The following PTPRN2 variants were observed in gnomAD, a reference collection of about 807,000 sequenced individuals.
The protein encoded by PTPRN2 is protein tyrosine phosphatase receptor type N2, also known as receptor-type tyrosine-protein phosphatase N2.
PTPRN2 carries 74 observed loss-of-function variants against 118.8 expected under a neutral mutation model. The ratio of observed to expected loss-of-function variants is 0.62; its 90% CI spans 0.52 to 0.76. The LOEUF is 0.76. Among genes scored for constraint, PTPRN2 ranks in the 30% least tolerant of loss-of-function variants. The pLI is 0.00. For synonymous variants in PTPRN2, 641 were observed against 608.0 expected, an observed-to-expected ratio of 1.05 and a Z score of -0.80; for missense variants, 1,481 against 1,394.4, an observed-to-expected ratio of 1.06 and a Z score of -0.99.
chr7:157,779,194 G>A lies in PTPRN2; in HGVS notation c.1789-96257C>T, dbSNP rs7797028. Among the ~76,000 whole-genome samples the A allele has an allele frequency of 3.9e-5, 6 of 152,172 alleles. No homozygotes were observed. Among genetic ancestry groups the A allele is most frequent in the Non-Finnish European group, 5.9e-5 (4 of 68,026 alleles). ...GCGCTACATTGAGGATGCTGGACACGGCTTATCTCCTGGAGGAGGGCTGCC... is the reference window on the plus strand; with the variant it reads ...GCGCTACATTGAGGATGCTGGACACAGCTTATCTCCTGGAGGAGGGCTGCC... On this transcript the variant is annotated intron_variant, in intron 12 of 22. Coordinates refer to ENST00000389418, the MANE Select transcript of PTPRN2 (RefSeq NM_002847.5). This position sits in a 1 kb window ranked among gnomAD's most constrained non-coding sequence, Gnocchi z 4.7.
At chr7:158,262,974 C>T (rs1196868826) in intron 3 of PTPRN2, among the ~76,000 whole-genome samples, 1 of 119,226 alleles carries the variant, frequency 8.4e-6, no homozygotes, top group Non-Finnish European at 1.8e-5. Flanking sequence ...TCACACACTG[C>T]ACACATACAG....
intron 11 of PTPRN2, among the ~76,000 whole-genome samples, chr7:157,978,335 G>A (rs1802902205): frequency 6.6e-6 from 1 of 151,936 alleles, no homozygotes; most frequent in Non-Finnish European, 1.5e-5. Flanking sequence ...CATGTCTTTT[G>A]GCCTTTCTTT....
intron 12 of PTPRN2, among the ~76,000 whole-genome samples, chr7:157,717,791 G>C (rs6459806): frequency 0.44 from 66,423 of 152,180 alleles, 14,922 homozygotes; most frequent in African/African-American, 0.52. Flanking sequence ...TGTTACACCT[G>C]TTCTGAAGCC....
chr7:158,310,569 G>T (rs1801620108), intron 3 of PTPRN2, among the ~76,000 whole-genome samples: 1 of 152,264 alleles, frequency 6.6e-6, no homozygotes, highest in African/African-American at 2.4e-5. Context: ...GCCGGAGATG[G>T]GGGCTGGGTG....
At chr7:157,612,753 C>T (rs1802446274) in intron 15 of PTPRN2, among the ~76,000 whole-genome samples, 1 of 152,226 alleles carries the variant, frequency 6.6e-6, no homozygotes, top group Non-Finnish European at 1.5e-5. Flanking sequence ...AACTGATGGG[C>T]AGGTGTGGAA....
intron 2 of PTPRN2, among the ~76,000 whole-genome samples, chr7:158,463,102 G>C (rs1819121135): frequency 8.1e-6 from 1 of 122,822 alleles, no homozygotes; most frequent in East Asian, 2.4e-4. Flanking sequence ...ATGCCGACTT[G>C]GTCAGTCTGG....
At chr7:158,299,802 G>A (rs923530827) in intron 3 of PTPRN2, among the ~76,000 whole-genome samples, 6 of 152,228 alleles carry the variant, frequency 3.9e-5, no homozygotes, top group Admixed American at 3.9e-4. Context: ...CGGTTCCCAG[G>A]CCCCCCAGGG....
intron 3 of PTPRN2, among the ~76,000 whole-genome samples, chr7:158,306,257 T>A (rs1801275416): frequency 6.6e-6 from 1 of 152,190 alleles, no homozygotes; most frequent in Non-Finnish European, 1.5e-5. Flanking sequence ...TGTGCACAGG[T>A]GCTTTGCAAA....
intron 9 of PTPRN2, among the ~76,000 whole-genome samples, chr7:158,131,523 ACACT>A (rs1297000677): frequency 2.0e-5 from 3 of 151,558 alleles, no homozygotes; most frequent in Non-Finnish European, 2.9e-5. Context: ...CCCGACACAC[ACACT>A]CATACACACA....
intron 12 of PTPRN2, among the ~76,000 whole-genome samples, chr7:157,853,042 G>T (rs1249709500): frequency 6.6e-6 from 1 of 152,136 alleles, no homozygotes; most frequent in Non-Finnish European, 1.5e-5. Context: ...AATGGGGAGG[G>T]TGGATGGTCT....
chr7:157,779,248 G>T lies in PTPRN2; in HGVS notation c.1789-96311C>A, dbSNP rs1187179235. ...TTGCCATGGGAGCCCCGCCCTGGCT[G>T]CCAGGCTTCCCTGGGCAAGGTCAGC... is the stretch of plus-strand genomic sequence containing the variant. On this transcript the variant is annotated intron_variant, in intron 12 of 22. Coordinates refer to ENST00000389418, the MANE Select transcript of PTPRN2 (RefSeq NM_002847.5). The surrounding 1 kb of genome is among the most constrained non-coding windows in gnomAD (Gnocchi z 4.7). Among the ~76,000 whole-genome samples, 5 of 152,228 alleles carry T rather than the reference G, an allele frequency of 3.3e-5. No individual in the cohort carries two copies. The highest frequency in any genetic ancestry group is 9.6e-5 in the African/African-American group (4 of 41,472).
rs140311060 is a variant in PTPRN2, at chr7:157,787,959, G to T, written c.1789-105022C>A. On this transcript the variant is annotated intron_variant, in intron 12 of 22. Transcript: ENST00000389418. This position sits in a 1 kb window ranked among gnomAD's most constrained non-coding sequence, Gnocchi z 5.3. ...GTCTGGACAATGGGGAGCCAGCACC[G>T]GGTCCCCTGGGAACCACGCAGCCGG... Among the ~76,000 whole-genome samples, 2 of 152,158 alleles carry T rather than the reference G, an allele frequency of 1.3e-5. No individual in the cohort carries two copies. The highest frequency in any genetic ancestry group is 2.4e-5 in the African/African-American group (1 of 41,436).
At chr7:158,557,397 G>A (rs957114464) in intron 1 of PTPRN2, among the ~76,000 whole-genome samples, 2 of 151,764 alleles carry the variant, frequency 1.3e-5, no homozygotes, top group Admixed American at 6.6e-5. Flanking sequence ...GGCAGCTCCC[G>A]CGCAGGTCAG....
At chr7:158,577,150 TG>T (rs1338976059) in intron 1 of PTPRN2, among the ~76,000 whole-genome samples, 1 of 122,454 alleles carries the variant, frequency 8.2e-6, no homozygotes, top group Non-Finnish European at 1.7e-5. Context: ...ACAGACAGCA[TG>T]GGGCCTGCAC....
intron 5 of PTPRN2, among the ~76,000 whole-genome samples, chr7:158,170,926 C>T (rs1466287907): frequency 3.3e-5 from 5 of 151,438 alleles, no homozygotes; most frequent in Non-Finnish European, 7.4e-5. Flanking sequence ...ATGGCTATGA[C>T]TACTACTATT....
chr7:158,539,818 A>T (rs942598516), intron 1 of PTPRN2: 1 of 248,394 alleles, frequency 4.0e-6, no homozygotes, highest in African/African-American at 2.4e-5. Context: ...GTGAGCCTGG[A>T]GCTGGTGGCT....
intron 11 of PTPRN2, among the ~76,000 whole-genome samples, chr7:158,001,348 C>G (rs1237719979): frequency 1.1e-4 from 2 of 18,118 alleles, no homozygotes; most frequent in African/African-American, 2.4e-4. Context: ...CCACACTCCA[C>G]ACTCACAGCA....
chr7:158,431,960 C>T (rs950830627), intron 2 of PTPRN2, among the ~76,000 whole-genome samples: 1 of 152,374 alleles, frequency 6.6e-6, no homozygotes, highest in Middle Eastern at 3.4e-3. Flanking sequence ...CAAGTGCCAG[C>T]AGTGACAAGC....
intron 2 of PTPRN2, among the ~76,000 whole-genome samples, chr7:158,396,175 T>C (rs1033292157): frequency 4.6e-5 from 7 of 152,170 alleles, no homozygotes; most frequent in Admixed American, 3.3e-4. Flanking sequence ...AGGCACTCCC[T>C]AACGGGAGAC....
Sources: allele counts gnomAD v4.1 joint callset (sites outside exome capture counted in the v4.1 genomes callset), GRCh38; gene constraint gnomAD v4.1.1; non-coding constraint Gnocchi (gnomAD v3.1); transcripts MANE v1.5; gene names NCBI Gene and HGNC (gene_info 2026-07-23, HGNC 2026-07-21).